TENM2: variants seen among roughly 807,000 people sequenced by gnomAD.
TENM2 encodes teneurin transmembrane protein 2.
A neutral mutation model predicts 245.2 loss-of-function variants in TENM2; 52 were observed. That is an observed-to-expected ratio of 0.21 (90% CI 0.17 to 0.27). The LOEUF is 0.27. TENM2 is among the 10% of genes least tolerant of loss of function. The pLI, the probability that TENM2 is intolerant of heterozygous loss-of-function variation, is 1.00. For synonymous variants in TENM2, 1,363 were observed against 1,438.9 expected (o/e 0.95, Z 1.19); for missense variants, 3,046 against 3,666.8 (o/e 0.83, Z 4.37).
At chr5:167,504,592 T>G (rs974144968) in intron 2 of TENM2, among the ~76,000 whole-genome samples, 1 of 152,196 alleles carries the variant, frequency 6.6e-6, no homozygotes, top group Non-Finnish European at 1.5e-5. Flanking sequence ...AATATTACTT[T>G]AACCACTGGG....
chr5:167,412,514 C>T (rs1370288746), intron 2 of TENM2, among the ~76,000 whole-genome samples: 3 of 151,992 alleles, frequency 2.0e-5, no homozygotes, highest in Non-Finnish European at 2.9e-5. Flanking sequence ...GGTATACCAC[C>T]TAGGTTTGTG....
In TENM2 at chr5:167,556,016, G is replaced by A. The variant is rs376204419; in HGVS notation, c.502+180543G>A. 3.2e-3 allele frequency among the ~76,000 whole-genome samples: 488 copies of A among 152,002 alleles called. 13 individuals are homozygous for A. The South Asian group carries it at 0.063, about 20-fold the overall frequency. On this transcript the variant is annotated intron_variant, in intron 2 of 28. Transcript: ENST00000518659. ...AATGGTTAAACTTACACAAGCAGAAGGAAAATAAAATGCCCTTATTAAATT... is the reference window on the plus strand; with the variant it reads ...AATGGTTAAACTTACACAAGCAGAAAGAAAATAAAATGCCCTTATTAAATT...
At chr5:168,128,646 G>A (rs947354676) in intron 12 of TENM2, among the ~76,000 whole-genome samples, 1 of 152,268 alleles carries the variant, frequency 6.6e-6, no homozygotes, top group Non-Finnish European at 1.5e-5. Context: ...TCACAAGAGG[G>A]CAGTCCAGAT....
chr5:167,737,246 A>AT (rs1343706244), intron 2 of TENM2, among the ~76,000 whole-genome samples: 1 of 152,138 alleles, frequency 6.6e-6, no homozygotes, highest in Non-Finnish European at 1.5e-5. Flanking sequence ...GCTCCTGCAA[A>AT]TGTTCTGTGG....
At chr5:167,648,796 G>A (rs992442515) in intron 2 of TENM2, among the ~76,000 whole-genome samples, 1 of 152,128 alleles carries the variant, frequency 6.6e-6, no homozygotes, top group African/African-American at 2.4e-5. Context: ...AGTCAAAATT[G>A]GTTTGAGGGA....
chr5:168,155,440 G>A (rs143135594), intron 12 of TENM2, among the ~76,000 whole-genome samples: 47 of 151,428 alleles, frequency 3.1e-4, no homozygotes, highest in Non-Finnish European at 6.2e-4. Flanking sequence ...ATATTCAAAA[G>A]CACAATTCTT....
chr5:168,258,798 G>T (rs887059552), intron 27 of TENM2, among the ~76,000 whole-genome samples: 3 of 152,174 alleles, frequency 2.0e-5, no homozygotes, highest in Non-Finnish European at 2.9e-5. Context: ...AGTAATGATG[G>T]TTGCATAACA....
chr5:168,262,104 T>C (rs1195389689), exon 29 of TENM2: 1 of 1,614,030 alleles, frequency 6.2e-7, no homozygotes, highest in Non-Finnish European at 8.5e-7. Flanking sequence ...TTCATGGCTC[T>C]GGAAGGACAG....
intron 25 of TENM2, among the ~76,000 whole-genome samples, chr5:168,239,169 CG>C (rs1765871954): frequency 1.3e-5 from 2 of 152,162 alleles, no homozygotes; most frequent in Admixed American, 1.3e-4. Flanking sequence ...TCCAGCATCT[CG>C]CACCCACAGC....
intron 3 of TENM2, among the ~76,000 whole-genome samples, chr5:167,904,431 T>C (rs577963333): frequency 3.1e-4 from 47 of 152,128 alleles, no homozygotes; most frequent in Non-Finnish European, 6.2e-4. Context: ...ATTAAGAAAA[T>C]GCACTTAACT....
At position 168,092,443 on chromosome 5, in the gene TENM2, G is replaced by A. The variant is rs1361886842; in HGVS notation, c.1711+1674G>A. Among the ~76,000 whole-genome samples, 3 of 152,184 alleles carry A rather than the reference G, an allele frequency of 2.0e-5. 1 individual carries two copies. The highest frequency in any genetic ancestry group is 4.4e-5 in the Non-Finnish European group (3 of 68,032). Reference sequence around the variant, plus strand: ...TTTCCCACTGTCATGGCAGAGTTGAGTCATTGCAGCAGAGACCATATGGCC... The same window carrying A: ...TTTCCCACTGTCATGGCAGAGTTGAATCATTGCAGCAGAGACCATATGGCC... On this transcript the variant is annotated intron_variant, in intron 8 of 28. Coordinates refer to ENST00000518659, the Ensembl canonical transcript of TENM2.
intron 3 of TENM2, among the ~76,000 whole-genome samples, chr5:167,888,855 T>A (rs747532459): frequency 1.3e-5 from 2 of 152,210 alleles, no homozygotes; most frequent in Non-Finnish European, 2.9e-5. Flanking sequence ...GGCACATGCA[T>A]TCTTGATACT....
chr5:167,674,879 G>T (rs1756211873), intron 2 of TENM2, among the ~76,000 whole-genome samples: 1 of 152,084 alleles, frequency 6.6e-6, no homozygotes, highest in South Asian at 2.1e-4. Flanking sequence ...ATGTCTTCTA[G>T]CAAATCACCA....
intron 3 of TENM2, among the ~76,000 whole-genome samples, chr5:167,906,247 T>G (rs1776077872): frequency 6.6e-6 from 1 of 152,256 alleles, no homozygotes; most frequent in African/African-American, 2.4e-5. Context: ...ATTTAACACT[T>G]AAGCTGTGTT....
the TENM2 span, among the ~76,000 whole-genome samples, chr5:167,185,264 CA>C: frequency 6.6e-6 from 1 of 152,132 alleles, no homozygotes; most frequent in Non-Finnish European, 1.5e-5. Flanking sequence ...CACCATAACC[CA>C]TTTAACACAC....
At chr5:167,799,047 C>A (rs941992001) in intron 2 of TENM2, among the ~76,000 whole-genome samples, 1 of 152,152 alleles carries the variant, frequency 6.6e-6, no homozygotes, top group Non-Finnish European at 1.5e-5. Flanking sequence ...ACTGTAACAT[C>A]CAAGGGGACT....
the TENM2 span, among the ~76,000 whole-genome samples, chr5:167,275,735 A>G: frequency 1.0e-3 from 157 of 152,184 alleles, no homozygotes; most frequent in African/African-American, 3.7e-3. Flanking sequence ...ACTTGCTTAT[A>G]TTAGTTTCTA....
the TENM2 span, among the ~76,000 whole-genome samples, chr5:167,094,171 A>G: frequency 4.6e-5 from 7 of 152,302 alleles, no homozygotes; most frequent in South Asian, 6.2e-4. Flanking sequence ...TTATTTTTAT[A>G]TATTACAATT....
intron 4 of TENM2, chr5:167,967,140 G>A (rs1417257441): frequency 6.6e-6 from 1 of 152,122 alleles, no homozygotes; most frequent in African/African-American, 2.4e-5. Context: ...GCTCACCAAT[G>A]AGAGACCAGG....
Sources: gnomAD v4.1 joint callset for allele counts (sites outside exome capture counted in the v4.1 genomes callset) on GRCh38, gnomAD v4.1.1 for gene constraint, MANE v1.5 for transcripts, NCBI Gene and HGNC (gene_info 2026-07-23, HGNC 2026-07-21) for gene names.